UNC13C: variants seen among roughly 807,000 people sequenced by gnomAD.
UNC13C encodes unc-13 homolog C, also known as protein unc-13 homolog C.
A neutral mutation model predicts 245.4 loss-of-function variants in UNC13C; 174 were observed. The observed-to-expected ratio is 0.71, with a 90% CI of 0.63 to 0.80. The LOEUF (loss-of-function observed/expected upper bound fraction) is 0.80, where lower values mean the gene tolerates loss of function less well. UNC13C is among the 30% of genes least tolerant of loss of function. The pLI, the probability that UNC13C is intolerant of heterozygous loss-of-function variation, is 0.00. For synonymous variants in UNC13C, 992 were observed against 895.1 expected, an observed-to-expected ratio of 1.11 and a Z score of -1.93; for missense variants, 2,829 against 2,602.9, an observed-to-expected ratio of 1.09 and a Z score of -1.89.
chr15:54,068,117 T>A (rs1898153588), intron 2 of UNC13C, among the ~76,000 whole-genome samples: 1 of 152,182 alleles, frequency 6.6e-6, no homozygotes, highest in Admixed American at 6.5e-5. Context: ...TTTTGGGAGC[T>A]CCTGTAGTCA....
intron 19 of UNC13C, among the ~76,000 whole-genome samples, chr15:54,479,053 G>A (rs1892944548): frequency 6.6e-6 from 1 of 151,916 alleles, no homozygotes; most frequent in South Asian, 2.1e-4. Context: ...ATTGAAGAGG[G>A]TATCTGTTCA....
At chr15:54,447,825 G>A (rs1243638193) in intron 19 of UNC13C, among the ~76,000 whole-genome samples, 1 of 152,088 alleles carries the variant, frequency 6.6e-6, no homozygotes, top group East Asian at 1.9e-4. Flanking sequence ...GCTTTTGAAT[G>A]TGTTTGCTCT....
intron 1 of UNC13C, among the ~76,000 whole-genome samples, chr15:54,007,783 C>T (rs562439672): frequency 1.3e-5 from 2 of 152,216 alleles, no homozygotes; most frequent in South Asian, 2.1e-4. Flanking sequence ...ACAAGAAAAG[C>T]CAGGTAATAA....
At chr15:54,579,079 A>C (rs1159860498) in intron 30 of UNC13C, among the ~76,000 whole-genome samples, 1 of 152,222 alleles carries the variant, frequency 6.6e-6, no homozygotes, top group African/African-American at 2.4e-5. Context: ...TGGAATAGTG[A>C]CAAAGAAATA....
intron 16 of UNC13C, among the ~76,000 whole-genome samples, chr15:54,334,211 T>A (rs1205174770): frequency 6.6e-6 from 1 of 152,108 alleles, no homozygotes; most frequent in African/African-American, 2.4e-5. Context: ...TTTGCCGACT[T>A]TTTTGCTACA....
intron 14 of UNC13C, among the ~76,000 whole-genome samples, chr15:54,324,520 A>G (rs1002644726): frequency 1.3e-5 from 2 of 152,104 alleles, no homozygotes; most frequent in African/African-American, 2.4e-5. Context: ...CCTTGGGTGT[A>G]CAGAAGAGAT....
the UNC13C span, among the ~76,000 whole-genome samples, chr15:53,890,242 C>T: frequency 0.16 from 24,479 of 151,650 alleles, 2,075 homozygotes; most frequent in South Asian, 0.2. Context: ...TCTGGGTTCA[C>T]ACCATTCTCC....
At chr15:54,557,929 A>G (rs1370421497) in intron 29 of UNC13C, among the ~76,000 whole-genome samples, 1 of 152,098 alleles carries the variant, frequency 6.6e-6, no homozygotes, top group Non-Finnish European at 1.5e-5. Context: ...GCCATAAAAA[A>G]TGATGAGTTC....
At chr15:54,183,325 A>T (rs1204313835) in intron 4 of UNC13C, among the ~76,000 whole-genome samples, 2 of 151,346 alleles carry the variant, frequency 1.3e-5, no homozygotes, top group Non-Finnish European at 1.5e-5. Context: ...CTGGCACAAT[A>T]ACTACTACAG....
intron 18 of UNC13C, among the ~76,000 whole-genome samples, chr15:54,404,278 T>C (rs1399839162): frequency 6.6e-6 from 1 of 152,188 alleles, no homozygotes; most frequent in Non-Finnish European, 1.5e-5. Context: ...TTTAATGGAT[T>C]CTAATTTTAT....
At chr15:54,280,473 A>G (rs2036947637) in intron 10 of UNC13C, among the ~76,000 whole-genome samples, 1 of 151,420 alleles carries the variant, frequency 6.6e-6, no homozygotes, top group Non-Finnish European at 1.5e-5. Context: ...ATTGACAATA[A>G]CATTCAGTGA....
intron 5 of UNC13C, among the ~76,000 whole-genome samples, 184 bp downstream of exon 5, chr15:54,235,292 T>C (rs1171878414): frequency 1.3e-5 from 2 of 152,182 alleles, no homozygotes; most frequent in Admixed American, 6.5e-5. Context: ...ATGGAGGAGA[T>C]AACTCAAACC....
At chr15:53,975,423 A>G (rs1230507170), upstream of UNC13C, among the ~76,000 whole-genome samples, 1 of 152,230 alleles carries the variant, frequency 6.6e-6, no homozygotes, top group Non-Finnish European at 1.5e-5. Flanking sequence ...CAGAGAGCCA[A>G]TGATTGGTCA....
chr15:53,923,636 T>G, the UNC13C span, among the ~76,000 whole-genome samples: 1 of 152,316 alleles, frequency 6.6e-6, no homozygotes, highest in Non-Finnish European at 1.5e-5. Context: ...GGAAATCATT[T>G]ATTTAGAGCT....
chr15:54,520,777 A>G (rs1225728924), intron 24 of UNC13C, among the ~76,000 whole-genome samples: 1 of 152,156 alleles, frequency 6.6e-6, no homozygotes, highest in African/African-American at 2.4e-5. Flanking sequence ...CCATATGGAA[A>G]CACGTCAGTG....
At chr15:54,381,175 G>A (rs2039716419) in intron 17 of UNC13C, among the ~76,000 whole-genome samples, 1 of 152,124 alleles carries the variant, frequency 6.6e-6, no homozygotes, top group Non-Finnish European at 1.5e-5. Flanking sequence ...TCTTCTGCAT[G>A]TGGATGTCTA....
intron 18 of UNC13C, among the ~76,000 whole-genome samples, chr15:54,400,163 T>G (rs2040152430): frequency 6.6e-6 from 1 of 152,146 alleles, no homozygotes; most frequent in Admixed American, 6.5e-5. Flanking sequence ...AAATTATGGC[T>G]TTCTTTTGTA....
At chr15:54,170,323 G>A (rs1400299934) in intron 4 of UNC13C, among the ~76,000 whole-genome samples, 2 of 151,832 alleles carry the variant, frequency 1.3e-5, no homozygotes, top group Non-Finnish European at 2.9e-5. Flanking sequence ...AGGGGAAAAA[G>A]ATGAAAAAAA....
intron 2 of UNC13C, among the ~76,000 whole-genome samples, chr15:54,083,787 G>T (rs1897020): frequency 0.47 from 71,090 of 151,988 alleles, 18,633 homozygotes; most frequent in Non-Finnish European, 0.6. Context: ...AGTCTGAGGG[G>T]ATTATAAGGT....
Sources: gnomAD v4.1 joint callset for allele counts (sites outside exome capture counted in the v4.1 genomes callset) on GRCh38, gnomAD v4.1.1 for gene constraint, MANE v1.5 for transcripts, NCBI Gene and HGNC (gene_info 2026-07-23, HGNC 2026-07-21) for gene names.